Variants in PLCB1 observed in about 807,000 individuals in gnomAD.
The protein encoded by PLCB1 is 1-phosphatidylinositol 4,5-bisphosphate phosphodiesterase beta-1.
A neutral mutation model predicts 161.8 loss-of-function variants in PLCB1; 46 were observed. That is an observed-to-expected ratio of 0.28 (90% confidence interval 0.22 to 0.36). The LOEUF (loss-of-function observed/expected upper bound fraction) is 0.36, where lower values mean the gene tolerates loss of function less well. PLCB1 is among the 10% of genes least tolerant of loss of function. PLCB1 has a pLI of 1.00. For synonymous variants in PLCB1, 517 were observed against 503.7 expected (o/e 1.03, Z -0.35); for missense variants, 1,016 against 1,472.5 (o/e 0.69, Z 5.07).
At chr20:8,144,726 C>T (rs935212223) in intron 1 of PLCB1, among the ~76,000 whole-genome samples, 3 of 152,166 alleles carry the variant, frequency 2.0e-5, no homozygotes, top group Admixed American at 6.5e-5. Flanking sequence ...ACTCTTTGCC[C>T]GTTGCATAGC....
At chr20:8,632,033 TGC>T (rs1491071096) in intron 4 of PLCB1, among the ~76,000 whole-genome samples, 63 of 84,582 alleles carry the variant, frequency 7.4e-4, no homozygotes, top group African/African-American at 1.3e-3. Flanking sequence ...GGGTTTTTTT[TGC>T]TTTTTTTTTT....
intron 2 of PLCB1, among the ~76,000 whole-genome samples, chr20:8,246,148 C>T (rs1307553665): frequency 6.6e-6 from 1 of 151,888 alleles, no homozygotes; most frequent in African/African-American, 2.4e-5. Flanking sequence ...ACACAAAAGA[C>T]ATGCATCAGA....
rs1178563834 is a variant in PLCB1 at position 8,518,264 on chromosome 20, C to G, written c.247-110030C>G. On this transcript the variant is annotated intron_variant, in intron 3 of 31. Transcript: ENST00000338037. ...CCAGGCTGGAGTGCAGTAGCAATAT[C>G]ATAACTTACTTGTCTTCATTGACTA... 3.3e-5 allele frequency among the ~76,000 whole-genome samples: 5 copies of G among 152,088 alleles called. 1 individual carries two copies.
chr20:8,814,974 G>C (rs1985014680), intron 31 of PLCB1, among the ~76,000 whole-genome samples: 1 of 152,134 alleles, frequency 6.6e-6, no homozygotes, highest in Non-Finnish European at 1.5e-5. Flanking sequence ...GAGCAGACTT[G>C]ATTGTGTCTT....
chr20:8,825,248 C>A (rs928957116), intron 31 of PLCB1, among the ~76,000 whole-genome samples: 6 of 152,158 alleles, frequency 3.9e-5, no homozygotes, highest in Non-Finnish European at 7.4e-5. Context: ...AATTGTCTAG[C>A]TACAAACCCA....
chr20:8,209,764 A>G (rs1978725642), intron 2 of PLCB1, among the ~76,000 whole-genome samples: 1 of 152,136 alleles, frequency 6.6e-6, no homozygotes, highest in African/African-American at 2.4e-5. Flanking sequence ...AGTAGAGGCA[A>G]ACATACTGAC....
At chr20:8,537,846 A>T (rs1030523044) in intron 3 of PLCB1, among the ~76,000 whole-genome samples, 3 of 150,252 alleles carry the variant, frequency 2.0e-5, no homozygotes, top group Non-Finnish European at 3.0e-5. Flanking sequence ...AAAATAAACA[A>T]TAACTAATAT....
intron 2 of PLCB1, among the ~76,000 whole-genome samples, chr20:8,219,516 A>G (rs2123160291): frequency 6.6e-6 from 1 of 152,258 alleles, no homozygotes; most frequent in Non-Finnish European, 1.5e-5. Flanking sequence ...TTAAATGGGC[A>G]GGAACTGTAA....
At chr20:8,817,298 A>G (rs1035888313) in intron 31 of PLCB1, among the ~76,000 whole-genome samples, 1 of 152,224 alleles carries the variant, frequency 6.6e-6, no homozygotes, top group Non-Finnish European at 1.5e-5. Context: ...TGAGCAGAGC[A>G]TGCAAGCTGT....
At chr20:8,318,656 A>G (rs1600310576) in intron 2 of PLCB1, among the ~76,000 whole-genome samples, 1 of 152,164 alleles carries the variant, frequency 6.6e-6, no homozygotes, top group South Asian at 2.1e-4. Context: ...AGGGCACTGT[A>G]TTTCATTCTG....
chr20:8,756,214 A>T (rs1433145781), intron 23 of PLCB1, among the ~76,000 whole-genome samples: 1 of 152,206 alleles, frequency 6.6e-6, no homozygotes, highest in Non-Finnish European at 1.5e-5. Flanking sequence ...CTTTATAAGT[A>T]TTAACTTATT....
At chr20:8,743,140 A>G (rs978337491) in intron 23 of PLCB1, among the ~76,000 whole-genome samples, 1 of 152,166 alleles carries the variant, frequency 6.6e-6, no homozygotes, top group Admixed American at 6.6e-5. Context: ...CTCAGAGGAA[A>G]GGCTTTCAGT....
chr20:8,668,444 A>T (rs546355474), intron 9 of PLCB1, among the ~76,000 whole-genome samples: 1 of 152,328 alleles, frequency 6.6e-6, no homozygotes, highest in South Asian at 2.1e-4. Context: ...TTACCTAAGC[A>T]TTCTACCTTA....
At chr20:8,229,054 C>T (rs1298810997) in intron 2 of PLCB1, among the ~76,000 whole-genome samples, 1 of 152,096 alleles carries the variant, frequency 6.6e-6, no homozygotes, top group African/African-American at 2.4e-5. Flanking sequence ...CGCTACTCTT[C>T]TCACCCTCTA....
At chr20:8,201,988 C>T (rs2052096231) in intron 2 of PLCB1, among the ~76,000 whole-genome samples, 1 of 152,120 alleles carries the variant, frequency 6.6e-6, no homozygotes, top group South Asian at 2.1e-4. Context: ...ATGAAAATGT[C>T]CAACATGGTT....
At chr20:8,651,342 T>A (rs1248066031) in intron 7 of PLCB1, 1 of 676,494 alleles carries the variant, frequency 1.5e-6, no homozygotes, top group East Asian at 2.7e-5. Flanking sequence ...AACAGCAAAG[T>A]TCATTAACAA....
At chr20:8,257,669 G>A (rs1286487075) in intron 2 of PLCB1, among the ~76,000 whole-genome samples, 1 of 152,166 alleles carries the variant, frequency 6.6e-6, no homozygotes, top group African/African-American at 2.4e-5. Flanking sequence ...GGAATACACA[G>A]GCCAGTGATC....
intron 3 of PLCB1, among the ~76,000 whole-genome samples, chr20:8,382,063 C>G (rs1451789887): frequency 6.6e-6 from 1 of 152,092 alleles, no homozygotes; most frequent in Non-Finnish European, 1.5e-5. Flanking sequence ...AGTTTGAGAT[C>G]TTTCTAGCTT....
intron 3 of PLCB1, among the ~76,000 whole-genome samples, chr20:8,562,947 T>C (rs547271399): frequency 3.7e-4 from 57 of 152,194 alleles, no homozygotes; most frequent in Middle Eastern, 3.4e-3. Context: ...ATGAAATACC[T>C]GTTTGCTGAC....
Sources: gnomAD v4.1 joint callset for allele counts (sites outside exome capture counted in the v4.1 genomes callset) on GRCh38, gnomAD v4.1.1 for gene constraint, MANE v1.5 for transcripts, NCBI Gene and HGNC (gene_info 2026-07-23, HGNC 2026-07-21) for gene names.